TIAM2: variants seen among roughly 807,000 people sequenced by gnomAD.
The protein encoded by TIAM2 is rho guanine nucleotide exchange factor TIAM2.
Under a neutral mutation model 152.9 loss-of-function variants are expected in TIAM2, and 80 were observed. That is an observed-to-expected ratio of 0.52 (90% CI 0.44 to 0.63). The LOEUF is 0.63. TIAM2 is among the 30% of genes least tolerant of loss of function. TIAM2 has a pLI of 0.00. For missense variants in TIAM2, 1,965 were observed against 2,120.1 expected, an observed-to-expected ratio of 0.93 and a Z score of 1.44; for synonymous variants, 804 against 838.0, an observed-to-expected ratio of 0.96 and a Z score of 0.70.
chr6:155,178,350 A>G (rs1446844243), intron 10 of TIAM2, among the ~76,000 whole-genome samples: 1 of 152,032 alleles, frequency 6.6e-6, no homozygotes, highest in African/African-American at 2.4e-5. Flanking sequence ...ATTTGTTAAC[A>G]TTTTACAAAT....
intron 14 of TIAM2, among the ~76,000 whole-genome samples, chr6:155,189,550 C>T (rs1042439192): frequency 1.3e-5 from 2 of 152,124 alleles, no homozygotes; most frequent in African/African-American, 2.4e-5. Context: ...CCTTATAAAA[C>T]TTAGTTTTGT....
intron 7 of TIAM2, among the ~76,000 whole-genome samples, chr6:155,153,706 C>T (rs1339187546): frequency 1.3e-5 from 2 of 150,964 alleles, no homozygotes; most frequent in Non-Finnish European, 2.9e-5. Context: ...ACTGCAACCT[C>T]CACCTGCTGG....
intron 14 of TIAM2, among the ~76,000 whole-genome samples, chr6:155,200,067 T>C (rs1265756409): frequency 6.6e-6 from 1 of 152,220 alleles, no homozygotes; most frequent in Admixed American, 6.5e-5. Context: ...TTTTTTTCCT[T>C]TTAAAGATTT....
At chr6:155,041,983 G>A (rs9480026) in intron 1 of TIAM2, among the ~76,000 whole-genome samples, 29,750 of 152,056 alleles carry the variant, frequency 0.2, 3,010 homozygotes, top group Middle Eastern at 0.29. Context: ...CAAAGCCAGC[G>A]TTGCAGTTTT....
chr6:155,197,127 C>A (rs147792857), intron 14 of TIAM2, among the ~76,000 whole-genome samples: 1 of 152,346 alleles, frequency 6.6e-6, no homozygotes, highest in African/African-American at 2.4e-5. Context: ...CAGAAGTCTC[C>A]CAGTGGGCTT....
At chr6:155,181,815 C>A (rs1457567410) in intron 12 of TIAM2, among the ~76,000 whole-genome samples, 3 of 152,192 alleles carry the variant, frequency 2.0e-5, no homozygotes, top group Admixed American at 2.0e-4. Flanking sequence ...TTAGCATATT[C>A]TCCTCAAAGT....
chr6:155,164,779 AG>A (rs1780376275), intron 8 of TIAM2, among the ~76,000 whole-genome samples, 179 bp downstream of exon 8: 1 of 151,802 alleles, frequency 6.6e-6, no homozygotes, highest in Non-Finnish European at 1.5e-5. Flanking sequence ...CGTGCTGTAG[AG>A]CCCCCGGTTT....
intron 1 of TIAM2, among the ~76,000 whole-genome samples, chr6:155,038,319 C>A (rs372661461): frequency 5.9e-5 from 9 of 152,208 alleles, no homozygotes; most frequent in African/African-American, 2.2e-4. Flanking sequence ...CTCCTTCCCC[C>A]AGATGGGATG....
At chr6:155,030,795 TCA>T (rs1776808237) in intron 1 of TIAM2, among the ~76,000 whole-genome samples, 1 of 152,198 alleles carries the variant, frequency 6.6e-6, no homozygotes, top group Non-Finnish European at 1.5e-5. Context: ...GGCCCTGAGC[TCA>T]ACCAGGGAGG....
chr6:155,196,133 T>A (rs1018377161), intron 14 of TIAM2, among the ~76,000 whole-genome samples: 6 of 151,548 alleles, frequency 4.0e-5, no homozygotes, highest in African/African-American at 1.5e-4. Flanking sequence ...GGTGAGGGGG[T>A]GGAGTCTGCT....
At chr6:155,104,713 T>C (rs1296759732) in intron 2 of TIAM2, among the ~76,000 whole-genome samples, 4 of 148,396 alleles carry the variant, frequency 2.7e-5, no homozygotes, top group Admixed American at 6.8e-5. Flanking sequence ...GCCGAGATCG[T>C]GCCTCTGCAC....
chr6:155,223,530 T>TC (rs1487651484), intron 15 of TIAM2, among the ~76,000 whole-genome samples: 22 of 150,522 alleles, frequency 1.5e-4, no homozygotes, highest in Admixed American at 2.0e-4. Flanking sequence ...TTTTTTTCTT[T>TC]TTTTTTTTTT....
intron 2 of TIAM2, among the ~76,000 whole-genome samples, chr6:155,122,849 CTT>C (rs34773829): frequency 2.0e-3 from 279 of 142,880 alleles, no homozygotes; most frequent in African/African-American, 5.2e-3. Context: ...TTTTAAAGTA[CTT>C]TTTTTTTTTT....
intron 1 of TIAM2, among the ~76,000 whole-genome samples, chr6:155,072,487 G>T (rs911172827): frequency 6.6e-6 from 1 of 152,130 alleles, no homozygotes; most frequent in Non-Finnish European, 1.5e-5. Flanking sequence ...GGTAATTGAT[G>T]GGTTCCTGTC....
intron 15 of TIAM2, among the ~76,000 whole-genome samples, chr6:155,237,854 C>T (rs1337911603): frequency 6.6e-6 from 1 of 152,238 alleles, no homozygotes; most frequent in African/African-American, 2.4e-5. Flanking sequence ...GCCTCCAGGC[C>T]TGTGATGGGA....
rs187884484 is a variant in TIAM2 at position 155,048,536 on chromosome 6, G to T, written c.-208-41753G>T. On this transcript the variant is annotated intron_variant, in intron 1 of 26. Coordinates refer to ENST00000682666, the MANE Select transcript of TIAM2 (RefSeq NM_012454.4). ...ACAAGTGTGGCCGTGGAAGGAAGAG[G>T]ACAGAGCAAGAGAAGGGAGAATGGG... 2.9e-4 allele frequency among the ~76,000 whole-genome samples: 43 copies of T among 148,836 alleles called. No homozygotes were observed. The East Asian group carries it at 8.4e-3, about 29-fold the overall frequency.
intron 1 of TIAM2, among the ~76,000 whole-genome samples, chr6:155,017,813 T>A (rs901288347): frequency 2.0e-5 from 3 of 152,102 alleles, no homozygotes; most frequent in Non-Finnish European, 2.9e-5. Context: ...CTCCCTTTTG[T>A]CTTTTTGTAG....
chr6:155,131,259 C>T (rs1278120076), intron 4 of TIAM2, among the ~76,000 whole-genome samples: 1 of 151,738 alleles, frequency 6.6e-6, no homozygotes, highest in East Asian at 1.9e-4. Flanking sequence ...ACTCAGGAGG[C>T]TGAGGCAGGA....
At chr6:155,037,180 T>G (rs1776938709) in intron 1 of TIAM2, among the ~76,000 whole-genome samples, 1 of 152,182 alleles carries the variant, frequency 6.6e-6, no homozygotes, top group African/African-American at 2.4e-5. Flanking sequence ...AAATGTTCAA[T>G]GTAGGTAAAT....
Sources: allele counts gnomAD v4.1 joint callset (sites outside exome capture counted in the v4.1 genomes callset), GRCh38; gene constraint gnomAD v4.1.1; transcripts MANE v1.5; gene names NCBI Gene and HGNC (gene_info 2026-07-23, HGNC 2026-07-21).